Variants in LOC128125818 observed in about 807,000 individuals in gnomAD.
At chr4:6,065,271 C>A in the LOC128125818 span, among the ~76,000 whole-genome samples, 1 of 152,214 alleles carries the variant, frequency 6.6e-6, no homozygotes, top group Non-Finnish European at 1.5e-5. This position sits in a 1 kb window ranked among gnomAD's most constrained non-coding sequence, Gnocchi z 5.1. Flanking sequence ...TAGACCTGTG[C>A]AAACCACTTG....
At chr4:6,067,668 T>A in the LOC128125818 span, among the ~76,000 whole-genome samples, 1 of 149,936 alleles carries the variant, frequency 6.7e-6, no homozygotes, top group Non-Finnish European at 1.5e-5. The surrounding 1 kb of genome is among the most constrained non-coding windows in gnomAD (Gnocchi z 4.6). Flanking sequence ...GGTCACCCCC[T>A]GAGCTCCAGG....
At chr4:6,069,605 T>C in the LOC128125818 span, among the ~76,000 whole-genome samples, 3 of 152,140 alleles carry the variant, frequency 2.0e-5, no homozygotes, top group African/African-American at 7.2e-5. This position sits in a 1 kb window ranked among gnomAD's most constrained non-coding sequence, Gnocchi z 4.5. Context: ...TTTAAAAAGT[T>C]AGCCGAGTAT....
At chr4:6,068,482 T>A in the LOC128125818 span, among the ~76,000 whole-genome samples, 2 of 152,030 alleles carry the variant, frequency 1.3e-5, no homozygotes, top group African/African-American at 4.8e-5. Context: ...ACACACAGAG[T>A]TCCCATAGCA....
chr4:6,067,318 C>T, the LOC128125818 span, among the ~76,000 whole-genome samples: 1 of 152,234 alleles, frequency 6.6e-6, no homozygotes, highest in South Asian at 2.1e-4. The surrounding 1 kb of genome is among the most constrained non-coding windows in gnomAD (Gnocchi z 4.6). Flanking sequence ...TTCATTCACA[C>T]AGCTGGCATC....
chr4:6,067,484 C>A, the LOC128125818 span, among the ~76,000 whole-genome samples: 7 of 152,172 alleles, frequency 4.6e-5, no homozygotes, highest in Admixed American at 3.9e-4. The surrounding 1 kb of genome is among the most constrained non-coding windows in gnomAD (Gnocchi z 4.6). Context: ...CCCCACCCGA[C>A]TTCAGGCATC....
At chr4:6,069,235 G>GC in the LOC128125818 span, among the ~76,000 whole-genome samples, 1 of 152,066 alleles carries the variant, frequency 6.6e-6, no homozygotes, top group African/African-American at 2.4e-5. This position sits in a 1 kb window ranked among gnomAD's most constrained non-coding sequence, Gnocchi z 4.5. Context: ...AAAAAAAATG[G>GC]CAAACATGAA....
chr4:6,065,542 T>C, the LOC128125818 span, among the ~76,000 whole-genome samples: 1 of 152,216 alleles, frequency 6.6e-6, no homozygotes, highest in African/African-American at 2.4e-5. The surrounding 1 kb of genome is among the most constrained non-coding windows in gnomAD (Gnocchi z 5.1). Context: ...GCCATAGTCC[T>C]AGTACTCTGA....
chr4:6,066,917 C>T, the LOC128125818 span, among the ~76,000 whole-genome samples: 1 of 152,190 alleles, frequency 6.6e-6, no homozygotes, highest in African/African-American at 2.4e-5. Context: ...ACCCCACACA[C>T]ACCTGCCATG....
the LOC128125818 span, among the ~76,000 whole-genome samples, chr4:6,067,521 A>G: frequency 1.3e-5 from 2 of 152,122 alleles, no homozygotes; most frequent in African/African-American, 4.8e-5. This position sits in a 1 kb window ranked among gnomAD's most constrained non-coding sequence, Gnocchi z 4.6. Context: ...AGCTCTAGAG[A>G]GCAGTGGTAG....
chr4:6,070,013 C>T, the LOC128125818 span: 19 of 398,386 alleles, frequency 4.8e-5, no homozygotes, highest in East Asian at 3.6e-4. Flanking sequence ...AGCCAGGGAC[C>T]GCCAGAGAAC....
chr4:6,068,864 C>G, the LOC128125818 span, among the ~76,000 whole-genome samples: 1 of 152,108 alleles, frequency 6.6e-6, no homozygotes, highest in African/African-American at 2.4e-5. Flanking sequence ...GCCATCATGC[C>G]CAGCCTTAAC....
At chr4:6,065,019 C>A in the LOC128125818 span, 1 of 1,614,138 alleles carries the variant, frequency 6.2e-7, no homozygotes, top group Non-Finnish European at 8.5e-7. The surrounding 1 kb of genome is among the most constrained non-coding windows in gnomAD (Gnocchi z 5.1). Context: ...CTGTAAAACG[C>A]AATTTGTATG....
chr4:6,068,311 C>T, the LOC128125818 span, among the ~76,000 whole-genome samples: 19 of 152,152 alleles, frequency 1.2e-4, no homozygotes, highest in Admixed American at 8.5e-4. Context: ...CAGTGGAGCC[C>T]CCGACAGTAT....
the LOC128125818 span, among the ~76,000 whole-genome samples, chr4:6,067,696 G>T: frequency 6.9e-6 from 1 of 145,014 alleles, no homozygotes; most frequent in Non-Finnish European, 1.5e-5. This position sits in a 1 kb window ranked among gnomAD's most constrained non-coding sequence, Gnocchi z 4.6. Flanking sequence ...AAGCTCTTCT[G>T]CACACACAGG....
chr4:6,068,596 C>T, the LOC128125818 span, among the ~76,000 whole-genome samples: 1 of 136,584 alleles, frequency 7.3e-6, no homozygotes, highest in Non-Finnish European at 1.5e-5. Flanking sequence ...CTCCTTCTGT[C>T]GCCCAGGCTG....
chr4:6,068,092 G>A, the LOC128125818 span, among the ~76,000 whole-genome samples: 334 of 152,292 alleles, frequency 2.2e-3, 1 homozygote, highest in African/African-American at 7.3e-3. Context: ...TACCTAGGAC[G>A]ATCCACTGTG....
chr4:6,068,411 CA>C, the LOC128125818 span, among the ~76,000 whole-genome samples: 1 of 152,258 alleles, frequency 6.6e-6, no homozygotes, highest in African/African-American at 2.4e-5. Context: ...AAACCAAACA[CA>C]AAAGGGCAGT....
the LOC128125818 span, chr4:6,065,144 G>A: frequency 1.8e-6 from 2 of 1,088,950 alleles, no homozygotes; most frequent in African/African-American, 1.5e-5. This position sits in a 1 kb window ranked among gnomAD's most constrained non-coding sequence, Gnocchi z 5.1. Context: ...GATGCGGTTG[G>A]TGGGCTTCGT....
the LOC128125818 span, chr4:6,065,002 C>T: frequency 1.2e-6 from 2 of 1,614,208 alleles, no homozygotes; most frequent in Non-Finnish European, 8.5e-7. The surrounding 1 kb of genome is among the most constrained non-coding windows in gnomAD (Gnocchi z 5.1). Flanking sequence ...GTCTCCACAA[C>T]ATGCTTCTGT....
Sources: allele counts gnomAD v4.1 joint callset (sites outside exome capture counted in the v4.1 genomes callset), GRCh38; gene constraint gnomAD v4.1.1; non-coding constraint Gnocchi (gnomAD v3.1); transcripts MANE v1.5.